The following TGFBR3 variants were observed in gnomAD, a reference collection of about 807,000 sequenced individuals.
TGFBR3 encodes the protein transforming growth factor beta receptor 3.
In TGFBR3, 46 loss-of-function variants were observed where a neutral mutation model predicts 87.9. That is an observed-to-expected ratio of 0.52 (90% CI 0.41 to 0.67). TGFBR3 has a LOEUF of 0.67. TGFBR3 is among the 30% of genes least tolerant of loss of function. The probability of loss-of-function intolerance (pLI) is 0.00; values close to 1 mark genes in which losing one functional copy is unlikely to be tolerated. For missense variants in TGFBR3, 866 were observed against 1,041.9 expected, an observed-to-expected ratio of 0.83 and a Z score of 2.32; for synonymous variants, 381 against 391.6, an observed-to-expected ratio of 0.97 and a Z score of 0.32.
chr1:91,873,906 T>C (rs866888076), intron 1 of TGFBR3, among the ~76,000 whole-genome samples: 12 of 150,932 alleles, frequency 8.0e-5, no homozygotes, highest in Middle Eastern at 3.5e-3. Context: ...GCCAAGATTG[T>C]GCCACTGCAC....
In TGFBR3 at chr1:91,819,789, G is replaced by A. The variant is rs147590375; in HGVS notation, c.62-22318C>T. ...GCCCACTCTGCTTCTCTGCTCATGCGATGATTTCATTAGTTCAAAGATATT... is the reference window on the plus strand; with the variant it reads ...GCCCACTCTGCTTCTCTGCTCATGCAATGATTTCATTAGTTCAAAGATATT... On this transcript the variant is annotated intron_variant, in intron 2 of 16. Transcript: ENST00000212355. Among the ~76,000 whole-genome samples the A allele has an allele frequency of 7.4e-3, 1,130 of 152,140 alleles. 16 individuals are homozygous for A. Among genetic ancestry groups the A allele is most frequent in the African/African-American group, 0.026 (1,067 of 41,474 alleles).
intron 2 of TGFBR3, among the ~76,000 whole-genome samples, chr1:91,816,974 C>T (rs1264883171): frequency 6.6e-6 from 1 of 152,168 alleles, no homozygotes; most frequent in Non-Finnish European, 1.5e-5. Flanking sequence ...TCTGAGTACT[C>T]ATTTATCATC....
At chr1:91,874,267 G>A (rs749435132) in intron 1 of TGFBR3, among the ~76,000 whole-genome samples, 10 of 152,114 alleles carry the variant, frequency 6.6e-5, no homozygotes, top group Non-Finnish European at 8.8e-5. Context: ...AGCTATTTGG[G>A]GAAAAACATT....
upstream of TGFBR3, among the ~76,000 whole-genome samples, chr1:91,890,915 T>C (rs879862650): frequency 3.2e-3 from 462 of 144,600 alleles, 3 homozygotes; most frequent in Admixed American, 5.6e-3. Context: ...TTTTTTTTTT[T>C]GAAACGGAGT....
chr1:91,722,193 CT>C, intron 7 of TGFBR3, 49 bp from the exon 8 acceptor site: 1 of 1,414,534 alleles, frequency 7.1e-7, no homozygotes, highest in Non-Finnish European at 9.9e-7. Flanking sequence ...TTAAACAGTA[CT>C]TTAGATAATA....
rs1678362801 is a variant in TGFBR3, at chr1:91,865,534, T to A, written c.-113-3890A>T. On this transcript the variant is annotated intron_variant, in intron 1 of 16. Transcript: ENST00000212355. ...GGAATAATAGTCATTTTCCCCACAT[T>A]TCAAAGCAACATGTTCCATTTAAAA... is the stretch of plus-strand genomic sequence containing the variant. Among the ~76,000 whole-genome samples, 2 of 152,214 alleles carry A rather than the reference T, an allele frequency of 1.3e-5. 1 individual carries two copies. Among genetic ancestry groups the A allele is most frequent in the South Asian group, 4.1e-4 (2 of 4,830 alleles).
intron 3 of TGFBR3, among the ~76,000 whole-genome samples, chr1:91,791,574 C>T (rs1331237805): frequency 6.6e-6 from 1 of 152,176 alleles, no homozygotes; most frequent in Admixed American, 6.5e-5. Context: ...ACTAACAGAC[C>T]TACTTGCTGG....
chr1:91,696,857 G>T (rs1671450413), intron 15 of TGFBR3, among the ~76,000 whole-genome samples: 1 of 151,970 alleles, frequency 6.6e-6, no homozygotes, highest in South Asian at 2.1e-4. Context: ...ATTGAAGACT[G>T]CCATACACTC....
At position 91,719,551 on chromosome 1, in the gene TGFBR3, C is replaced by T. The variant is rs1255204749; in HGVS notation, c.1414-87G>A. 5.2e-5 allele frequency: 80 copies of T among 1,542,758 alleles called. 1 individual carries two copies. In the Admixed American group the frequency reaches 1.3e-3, roughly 26 times the overall value. ...ACACAATTGACAATTGCCTGGTCTTCCAAGGACAGGCGATGAGAGGCCTGC... is the reference window on the plus strand; with the variant it reads ...ACACAATTGACAATTGCCTGGTCTTTCAAGGACAGGCGATGAGAGGCCTGC... On this transcript the variant is annotated intron_variant, in intron 9 of 16. Coordinates refer to ENST00000212355, the MANE Select transcript of TGFBR3 (RefSeq NM_003243.5).
chr1:91,842,453 A>G (rs1207714543), intron 2 of TGFBR3, among the ~76,000 whole-genome samples: 2 of 152,158 alleles, frequency 1.3e-5, no homozygotes, highest in Non-Finnish European at 2.9e-5. Context: ...CAGCACCGCC[A>G]CCGTTCTTGA....
chr1:91,853,596 AG>A (rs1677824386), intron 2 of TGFBR3, among the ~76,000 whole-genome samples: 1 of 152,248 alleles, frequency 6.6e-6, no homozygotes, highest in African/African-American at 2.4e-5. Context: ...GCCTTAAAAA[AG>A]AAGGAAATCC....
chr1:91,710,805 G>A (rs746481813), intron 13 of TGFBR3, among the ~76,000 whole-genome samples: 13 of 152,260 alleles, frequency 8.5e-5, no homozygotes, highest in Non-Finnish European at 1.6e-4. Flanking sequence ...CCCATTGGTG[G>A]CAGCAGAGCT....
chr1:91,716,698 T>G lies in TGFBR3; in HGVS notation c.1577A>C (p.Gln526Pro). 1 of 1,614,080 alleles carries G rather than the reference T, an allele frequency of 6.2e-7. No individual in the cohort carries two copies. Reference sequence around the variant, plus strand: ...ACTACTGTCCCCAAGGGCTGGAACCTGTATCACAATCTAAAAGGCAAAGAA... The same window carrying G: ...ACTACTGTCCCCAAGGGCTGGAACCGGTATCACAATCTAAAAGGCAAAGAA... ...GVVYYNSIVI[Q>P]VPALGDSSGW... The change falls in exon 11 of 17, where the codon CAG (glutamine) becomes CCG (proline). Residue 526 changes from glutamine (Q) to proline (P), a missense_variant. Coordinates refer to ENST00000212355, the MANE Select transcript of TGFBR3 (RefSeq NM_003243.5).
At chr1:91,723,453 C>T (rs1283248102) in intron 7 of TGFBR3, among the ~76,000 whole-genome samples, 1 of 140,180 alleles carries the variant, frequency 7.1e-6, no homozygotes, top group East Asian at 2.2e-4. Context: ...TGCACTCTAG[C>T]CTGGGTGACA....
upstream of TGFBR3, among the ~76,000 whole-genome samples, chr1:91,890,409 CTTTTTTTTTTTT>C (rs1175619952): frequency 9.3e-3 from 559 of 60,404 alleles, 14 homozygotes; most frequent in African/African-American, 0.036. Flanking sequence ...TCTCTATAAT[CTTTTTTTTTTTT>C]TTTTTTTTTT....
intron 1 of TGFBR3, among the ~76,000 whole-genome samples, chr1:91,884,613 CAG>C (rs1679222863): frequency 2.0e-5 from 3 of 152,208 alleles, no homozygotes; most frequent in South Asian, 2.1e-4. Context: ...TCAGAACTAA[CAG>C]AAAGTTATGT....
chr1:91,772,724 A>G (rs1453276800), intron 3 of TGFBR3, among the ~76,000 whole-genome samples: 1 of 152,140 alleles, frequency 6.6e-6, no homozygotes, highest in African/African-American at 2.4e-5. Context: ...TATCATCTCT[A>G]AGGTGAAAAC....
In TGFBR3 at chr1:91,697,671, C is replaced by T. The variant is rs199746743; in HGVS notation, c.2329+418G>A. Among the ~76,000 whole-genome samples the T allele has an allele frequency of 2.0e-4, 30 of 152,330 alleles. No homozygotes were observed. The East Asian group carries it at 5.0e-3, about 25-fold the overall frequency. ...ACTACGGATTGTCTTGAAAGTATAG[C>T]AATGAGTTCCCTTAGCATTACGCCT... is the stretch of plus-strand genomic sequence containing the variant. On this transcript the variant is annotated intron_variant, in intron 15 of 16. Transcript: ENST00000212355.
At chr1:91,835,995 C>T (rs1219486892) in intron 2 of TGFBR3, among the ~76,000 whole-genome samples, 1 of 152,068 alleles carries the variant, frequency 6.6e-6, no homozygotes, top group African/African-American at 2.4e-5. Flanking sequence ...TGCCCGTAAT[C>T]CCAGCACTCT....
Sources: allele counts gnomAD v4.1 joint callset (sites outside exome capture counted in the v4.1 genomes callset), GRCh38; gene constraint gnomAD v4.1.1; transcripts MANE v1.5; gene names NCBI Gene and HGNC (gene_info 2026-07-23, HGNC 2026-07-21).